EFTUD2: variants seen among roughly 807,000 people sequenced by gnomAD.
The protein encoded by EFTUD2 is elongation factor Tu GTP binding domain containing 2, also known as 116 kDa U5 small nuclear ribonucleoprotein component.
Under a neutral mutation model 114.3 loss-of-function variants are expected in EFTUD2, and 9 were observed. The observed-to-expected ratio is 0.08, with a 90% confidence interval of 0.05 to 0.14. The LOEUF (loss-of-function observed/expected upper bound fraction) is 0.14, where lower values mean the gene tolerates loss of function less well. Ranked by LOEUF, EFTUD2 falls within the 10% of genes least tolerant of loss-of-function variation. The pLI is 1.00. For missense variants in EFTUD2, 765 were observed against 1,241.2 expected, an observed-to-expected ratio of 0.62 and a Z score of 5.76; for synonymous variants, 449 against 462.3, an observed-to-expected ratio of 0.97 and a Z score of 0.37.
intron 2 of EFTUD2, 116 bp downstream of exon 2, chr17:44,894,301 T>G (rs968850360): frequency 1.3e-6 from 1 of 798,286 alleles, no homozygotes; most frequent in Admixed American, 2.0e-5. Flanking sequence ...GCCCAGGAGG[T>G]GGAGGTTGCA....
At chr17:44,869,201 C>T (rs576665732) in intron 11 of EFTUD2, among the ~76,000 whole-genome samples, 1 of 152,328 alleles carries the variant, frequency 6.6e-6, no homozygotes, top group Admixed American at 6.5e-5. Context: ...ACCAAATTCT[C>T]CCCTTCTTTC....
chr17:44,882,833 AG>A (rs1597819009), intron 6 of EFTUD2, among the ~76,000 whole-genome samples: 1 of 152,198 alleles, frequency 6.6e-6, no homozygotes, highest in African/African-American at 2.4e-5. Flanking sequence ...AGACTATAAA[AG>A]TCAGGATATA....
chr17:44,873,834 C>T (rs2050898131), intron 10 of EFTUD2, among the ~76,000 whole-genome samples: 1 of 151,182 alleles, frequency 6.6e-6, no homozygotes, highest in South Asian at 2.1e-4. Flanking sequence ...CGGGTTCACG[C>T]CATTCTCCTG....
chr17:44,892,027 TGG>T (rs2051289033), intron 2 of EFTUD2: 1 of 152,218 alleles, frequency 6.6e-6, no homozygotes, highest in African/African-American at 2.4e-5. Flanking sequence ...CCCAAAGTGC[TGG>T]GATTACATGT....
intron 15 of EFTUD2, chr17:44,863,397 A>G: frequency 2.6e-6 from 1 of 380,030 alleles, no homozygotes; most frequent in Non-Finnish European, 4.8e-6. Flanking sequence ...TCTTATTTAA[A>G]TCTCATAACA....
chr17:44,863,818 C>A (rs1271059019), intron 14 of EFTUD2, 36 bp from the exon 15 acceptor site: 1 of 1,609,828 alleles, frequency 6.2e-7, no homozygotes, highest in Non-Finnish European at 8.5e-7. Context: ...TAATACATGC[C>A]TTCCCAGGGA....
intron 1 of EFTUD2, among the ~76,000 whole-genome samples, chr17:44,894,821 G>A (rs558959688): frequency 2.0e-5 from 3 of 152,324 alleles, no homozygotes; most frequent in East Asian, 3.9e-4. Flanking sequence ...AAGCTCCGCC[G>A]TACAGAGATG....
chr17:44,898,316 C>T (rs1273793072), intron 1 of EFTUD2, among the ~76,000 whole-genome samples: 1 of 152,180 alleles, frequency 6.6e-6, no homozygotes, highest in Non-Finnish European at 1.5e-5. Context: ...CTCCTGGTTT[C>T]AAGCGATTCT....
intron 10 of EFTUD2, among the ~76,000 whole-genome samples, chr17:44,874,263 T>C (rs911727299): frequency 6.6e-6 from 1 of 152,062 alleles, no homozygotes; most frequent in Non-Finnish European, 1.5e-5. Context: ...CAGGCTGGCC[T>C]TGAACTCCTA....
At chr17:44,876,198 G>T in intron 9 of EFTUD2, 98 bp from the exon 10 acceptor site, 1 of 1,409,444 alleles carries the variant, frequency 7.1e-7, no homozygotes, top group Non-Finnish European at 9.4e-7. Context: ...CATGAAGCCT[G>T]GGGAGAAAAA....
At chr17:44,886,964 C>T (rs2051186333) in intron 2 of EFTUD2, among the ~76,000 whole-genome samples, 1 of 152,146 alleles carries the variant, frequency 6.6e-6, no homozygotes, top group Non-Finnish European at 1.5e-5. Context: ...TTCAAACTTG[C>T]CCCTTTCTGA....
intron 20 of EFTUD2, among the ~76,000 whole-genome samples, chr17:44,856,130 CAAAAAAA>C (rs1045415785): frequency 2.7e-5 from 1 of 37,352 alleles, no homozygotes; most frequent in East Asian, 1.1e-3. Context: ...GACCCTGTCT[CAAAAAAA>C]AAAAAAAAAA....
intron 10 of EFTUD2, among the ~76,000 whole-genome samples, chr17:44,874,883 T>A (rs1456696814): frequency 6.6e-6 from 1 of 152,258 alleles, no homozygotes; most frequent in Non-Finnish European, 1.5e-5. Context: ...TGTGCTGTGT[T>A]CCATCAAATA....
At chr17:44,888,578 A>G (rs2051218220) in intron 2 of EFTUD2, among the ~76,000 whole-genome samples, 1 of 152,246 alleles carries the variant, frequency 6.6e-6, no homozygotes. Context: ...GGCTTGGAGT[A>G]GACAGAGTGG....
intron 2 of EFTUD2, among the ~76,000 whole-genome samples, chr17:44,892,490 A>G (rs1005272389): frequency 1.3e-5 from 2 of 152,210 alleles, no homozygotes; most frequent in Non-Finnish European, 2.9e-5. Context: ...TCTTTTCACT[A>G]GGACATCATG....
At chr17:44,858,973 A>C (rs2050606981) in intron 19 of EFTUD2, 107 bp downstream of exon 19, 4 of 778,736 alleles carry the variant, frequency 5.1e-6, no homozygotes, top group Non-Finnish European at 9.0e-6. Context: ...TGGTTTTCAC[A>C]AACACATGTA....
At chr17:44,889,258 G>A (rs1190695914) in intron 2 of EFTUD2, among the ~76,000 whole-genome samples, 1 of 152,194 alleles carries the variant, frequency 6.6e-6, no homozygotes, top group Non-Finnish European at 1.5e-5. Context: ...AGCAGTCTGT[G>A]GAATGCGAGA....
In EFTUD2 at chr17:44,881,708, G is replaced by A. The variant is rs1243753109; in HGVS notation, c.507C>T (p.Asp169=). The change falls in exon 7 of 28, where the codon GAC becomes GAT. Residue 169 remains aspartate (D), a synonymous_variant. Transcript: ENST00000426333. The part of the protein sequence containing the change: ...KRYDQDLCYT[D]ILFTEQERGV... ...TTACCTCTTGCTCTGTGAAGAGGAT[G>A]TCAGTATAGCACAGCTGAAAAAAAA... The A allele has an allele frequency of 5.0e-6, 8 of 1,614,070 alleles. No individual in the cohort carries two copies. Among genetic ancestry groups the A allele is most frequent in the African/African-American group, 4.0e-5 (3 of 74,934 alleles).
chr17:44,890,391 A>C (rs2051257635), intron 2 of EFTUD2, among the ~76,000 whole-genome samples: 1 of 121,170 alleles, frequency 8.3e-6, no homozygotes, highest in Non-Finnish European at 1.8e-5. Context: ...ATACCTCAAT[A>C]TAATTAAAAA....
Sources: gnomAD v4.1 joint callset for allele counts (sites outside exome capture counted in the v4.1 genomes callset) on GRCh38, gnomAD v4.1.1 for gene constraint, MANE v1.5 for transcripts, NCBI Gene and HGNC (gene_info 2026-07-23, HGNC 2026-07-21) for gene names.